The following ACSS3 variants were observed in gnomAD, a reference collection of about 807,000 sequenced individuals.
ACSS3 encodes the protein acyl-CoA synthetase short-chain family member 3, mitochondrial.
A neutral mutation model predicts 84.2 loss-of-function variants in ACSS3; 64 were observed. The ratio of observed to expected loss-of-function variants is 0.76; its 90% CI spans 0.62 to 0.94. The LOEUF is 0.94. ACSS3 is among the 40% of genes least tolerant of loss of function. The pLI is 0.00. For missense variants in ACSS3, 815 were observed against 867.6 expected, an observed-to-expected ratio of 0.94 and a Z score of 0.76; for synonymous variants, 317 against 310.1, an observed-to-expected ratio of 1.02 and a Z score of -0.23.
chr12:81,092,592 T>G (rs1387459686), intron 1 of ACSS3, among the ~76,000 whole-genome samples: 1 of 152,160 alleles, frequency 6.6e-6, no homozygotes, highest in Non-Finnish European at 1.5e-5. Flanking sequence ...ATTTTAATTT[T>G]ATCCCTTTGT....
intron 13 of ACSS3, among the ~76,000 whole-genome samples, chr12:81,240,698 C>G (rs965841412): frequency 6.6e-6 from 1 of 151,976 alleles, no homozygotes; most frequent in Non-Finnish European, 1.5e-5. Flanking sequence ...CCTTTCTTAA[C>G]ATATTAAATA....
chr12:81,138,015 A>G (rs1593115737), intron 3 of ACSS3, among the ~76,000 whole-genome samples: 1 of 152,150 alleles, frequency 6.6e-6, no homozygotes. Context: ...CCTCTGTTCC[A>G]TGAATATTAA....
chr12:81,162,491 T>C (rs1887200691), intron 7 of ACSS3, among the ~76,000 whole-genome samples: 1 of 152,072 alleles, frequency 6.6e-6, no homozygotes, highest in Non-Finnish European at 1.5e-5. Flanking sequence ...AGGGAGAAAG[T>C]GCATGCTGAT....
chr12:81,151,589 T>C, intron 5 of ACSS3: 1 of 322,242 alleles, frequency 3.1e-6, no homozygotes, highest in Non-Finnish European at 5.7e-6. Context: ...TGAAATCATG[T>C]TTTCTTTAGA....
chr12:81,129,014 G>A (rs573691051), intron 2 of ACSS3, among the ~76,000 whole-genome samples: 3 of 152,104 alleles, frequency 2.0e-5, no homozygotes, highest in African/African-American at 4.8e-5. Context: ...AAAGAAAATC[G>A]TACTATTGAT....
chr12:81,151,576 T>C, intron 5 of ACSS3: 1 of 302,560 alleles, frequency 3.3e-6, no homozygotes, highest in East Asian at 6.6e-5. Context: ...GCATGTAATT[T>C]TGTGAAATCA....
At position 81,143,179 on chromosome 12, in the gene ACSS3, T is replaced by A. The variant is rs1334997858; in HGVS notation, c.853T>A (p.Cys285Ser). Reference sequence around the variant, plus strand: ...GATGGCAAAAGCCCAGTCACATGACTGTGTTCCTGTTCTTTCAGAACACCC... The same window carrying A: ...GATGGCAAAAGCCCAGTCACATGACAGTGTTCCTGTTCTTTCAGAACACCC... Reference protein sequence around the residue: ...EEMAKAQSHDCVPVLSEHPLY... With the variant: ...EEMAKAQSHDSVPVLSEHPLY... The change falls in exon 5 of 16, where the codon TGT becomes AGT. Residue 285 changes from cysteine to serine, a missense_variant. Cys to Ser is a moderately radical substitution (Grantham distance 112, BLOSUM62 -1). Coordinates refer to ENST00000548058, the MANE Select transcript of ACSS3 (RefSeq NM_024560.4). 1 of 1,613,742 alleles carries A rather than the reference T, an allele frequency of 6.2e-7. No homozygotes were observed. The highest frequency in any genetic ancestry group is 8.5e-7 in the Non-Finnish European group (1 of 1,179,688).
intron 1 of ACSS3, among the ~76,000 whole-genome samples, chr12:81,094,184 C>CTGTG (rs34746505): frequency 0.36 from 52,560 of 146,378 alleles, 11,827 homozygotes; most frequent in Non-Finnish European, 0.52. Flanking sequence ...GTCTCTCTCT[C>CTGTG]TGTGTGTGTG....
rs796386734 is a variant in ACSS3 at position 81,233,614 on chromosome 12, C to A, written c.1719+143C>A. The A allele has an allele frequency of 5.7e-5, 59 of 1,035,682 alleles. No individual in the cohort carries two copies. The African/African-American group carries it at 8.9e-4, about 16-fold the overall frequency. The allele number at this position is 1,035,682 out of a possible 1,614,324, so 64.2% of individuals were successfully genotyped here. A position where few individuals can be genotyped will look rare whatever the true frequency, so the allele number is the denominator to read the frequency against. ...CTAGGTTACTCTTACATCTCTCCCACCTCACTTTCTCTTTTAGATATTCAT... is the reference window on the plus strand; with the variant it reads ...CTAGGTTACTCTTACATCTCTCCCAACTCACTTTCTCTTTTAGATATTCAT... On this transcript the variant is annotated intron_variant, in intron 13 of 15. Coordinates refer to ENST00000548058, the MANE Select transcript of ACSS3 (RefSeq NM_024560.4).
chr12:81,198,230 T>C (rs1010135652), intron 8 of ACSS3, among the ~76,000 whole-genome samples: 2 of 152,096 alleles, frequency 1.3e-5, no homozygotes, highest in Non-Finnish European at 2.9e-5. Flanking sequence ...ACCTAAAAAT[T>C]TCATGTACTT....
intron 5 of ACSS3, among the ~76,000 whole-genome samples, chr12:81,149,703 G>A (rs1205443761): frequency 2.6e-5 from 4 of 152,000 alleles, no homozygotes; most frequent in South Asian, 2.1e-4. Context: ...CAGAAATTAC[G>A]GCTCTTCTCA....
At chr12:81,088,100 G>A (rs1416101869) in intron 1 of ACSS3, among the ~76,000 whole-genome samples, 3 of 152,114 alleles carry the variant, frequency 2.0e-5, no homozygotes, top group African/African-American at 7.2e-5. Context: ...ACTGCAATAA[G>A]AGGAGCAAGG....
At chr12:81,135,404 T>C (rs1885744402) in intron 3 of ACSS3, among the ~76,000 whole-genome samples, 1 of 138,516 alleles carries the variant, frequency 7.2e-6, no homozygotes, top group Non-Finnish European at 1.5e-5. Flanking sequence ...AATACTTAAA[T>C]ACATATAATA....
intron 2 of ACSS3, among the ~76,000 whole-genome samples, chr12:81,126,312 G>A (rs1301193128): frequency 6.6e-6 from 1 of 152,142 alleles, no homozygotes; most frequent in African/African-American, 2.4e-5. Flanking sequence ...ATGTTAAAAT[G>A]GTAAAAAGTG....
intron 2 of ACSS3, among the ~76,000 whole-genome samples, chr12:81,120,360 G>C (rs2121533054): frequency 6.6e-6 from 1 of 152,280 alleles, no homozygotes; most frequent in East Asian, 1.9e-4. Context: ...AGTGAGGAGA[G>C]CTGGTCACAA....
intron 13 of ACSS3, among the ~76,000 whole-genome samples, chr12:81,252,932 C>T (rs150252169): frequency 5.1e-4 from 77 of 152,314 alleles, no homozygotes; most frequent in African/African-American, 1.8e-3. Flanking sequence ...AAGACCAAAT[C>T]GCCATGAGGC....
chr12:81,133,289 A>C (rs947367026), intron 2 of ACSS3, among the ~76,000 whole-genome samples: 1 of 152,098 alleles, frequency 6.6e-6, no homozygotes, highest in Non-Finnish European at 1.5e-5. Context: ...ATAAATAGAC[A>C]TGTGACCTAA....
chr12:81,249,195 G>T (rs1304939390), intron 13 of ACSS3, among the ~76,000 whole-genome samples: 1 of 152,094 alleles, frequency 6.6e-6, no homozygotes, highest in East Asian at 1.9e-4. Flanking sequence ...TCTAAAATCT[G>T]CTAGTTCTGC....
rs527646703 is a variant in ACSS3 at position 81,203,713 on chromosome 12, G to A, written c.1354+4269G>A. ...GAGTATAATAATGTAAATATTTAAT[G>A]CTGTCATGAAGGAAATTGGTCTTGT... On this transcript the variant is annotated intron_variant, in intron 9 of 15. Coordinates refer to ENST00000548058, the MANE Select transcript of ACSS3 (RefSeq NM_024560.4). Among the ~76,000 whole-genome samples the A allele has an allele frequency of 1.3e-3, 199 of 152,222 alleles. 1 individual carries two copies. The highest frequency in any genetic ancestry group is 6.0e-3 in the South Asian group (29 of 4,816).
Sources: gnomAD v4.1 joint callset for allele counts (sites outside exome capture counted in the v4.1 genomes callset) on GRCh38, gnomAD v4.1.1 for gene constraint, MANE v1.5 for transcripts, NCBI Gene and HGNC (gene_info 2026-07-23, HGNC 2026-07-21) for gene names.